Variants in SMCO2 observed in about 807,000 individuals in gnomAD.
The protein encoded by SMCO2 is single-pass membrane protein with coiled-coil domains 2.
SMCO2 carries 25 observed loss-of-function variants against 29.5 expected under a neutral mutation model. The ratio of observed to expected loss-of-function variants is 0.85; its 90% CI spans 0.62 to 1.18. The LOEUF is 1.18. SMCO2 is among the 50% of genes most tolerant of loss of function. The probability of loss-of-function intolerance (pLI) is 0.00; values close to 1 mark genes in which losing one functional copy is unlikely to be tolerated. For synonymous variants in SMCO2, 117 were observed against 123.3 expected, an observed-to-expected ratio of 0.95 and a Z score of 0.34; for missense variants, 348 against 344.5, an observed-to-expected ratio of 1.01 and a Z score of -0.08.
the SMCO2 span, among the ~76,000 whole-genome samples, chr12:27,449,952 C>T: frequency 6.6e-6 from 1 of 152,210 alleles, no homozygotes; most frequent in Non-Finnish European, 1.5e-5. Context: ...CCTGCCTTTG[C>T]TGCCTCCCTT....
chr12:27,483,982 GA>G (rs1398412804), intron 4 of SMCO2, among the ~76,000 whole-genome samples: 8 of 152,076 alleles, frequency 5.3e-5, no homozygotes, highest in African/African-American at 1.4e-4. Context: ...TTTAAAGTAA[GA>G]AAAAAATTGT....
chr12:27,465,568 G>T (rs1190588236), upstream of SMCO2, among the ~76,000 whole-genome samples: 2 of 152,158 alleles, frequency 1.3e-5, no homozygotes, highest in African/African-American at 4.8e-5. Context: ...AATGCTCAGG[G>T]TGATAACGAG....
rs1167252859 is a variant in SMCO2, at chr12:27,500,207, T to C, written c.684-1716T>C. Among the ~76,000 whole-genome samples, 6 of 150,468 alleles carry C rather than the reference T, an allele frequency of 4.0e-5. No individual in the cohort carries two copies. The South Asian group carries it at 8.4e-4, about 21-fold the overall frequency. ...TTAAAATGAATATCATGCTTAGTAA[T>C]AGAAAATTTAAATTTTTAAAACTTG... is the stretch of plus-strand genomic sequence containing the variant. On this transcript the variant is annotated intron_variant, in intron 7 of 7. Transcript: ENST00000298876.
chr12:27,453,608 T>A, the SMCO2 span, among the ~76,000 whole-genome samples: 2 of 152,258 alleles, frequency 1.3e-5, no homozygotes, highest in African/African-American at 4.8e-5. Flanking sequence ...GGAGACAGAA[T>A]GTTGGCCGAT....
the SMCO2 span, among the ~76,000 whole-genome samples, chr12:27,458,649 G>A: frequency 7.8e-3 from 1,187 of 152,278 alleles, 17 homozygotes; most frequent in African/African-American, 0.027. Flanking sequence ...ACTTTGGGAG[G>A]CCAACGTGGG....
At chr12:27,425,685 C>CT in the SMCO2 span, among the ~76,000 whole-genome samples, 1 of 152,186 alleles carries the variant, frequency 6.6e-6, no homozygotes, top group Admixed American at 6.5e-5. Context: ...GAGAGCCTCT[C>CT]TATTTCCTAG....
the SMCO2 span, among the ~76,000 whole-genome samples, chr12:27,455,852 A>G: frequency 1.3e-5 from 2 of 152,276 alleles, no homozygotes; most frequent in African/African-American, 4.8e-5. Context: ...GTTCCATGAC[A>G]TATTAAGAAA....
At chr12:27,500,709 G>A (rs2135584609) in intron 7 of SMCO2, among the ~76,000 whole-genome samples, 1 of 150,740 alleles carries the variant, frequency 6.6e-6, no homozygotes, top group Admixed American at 6.6e-5. Context: ...GGACACATCT[G>A]CTTCCTGTTA....
At chr12:27,496,600 C>T (rs1472719459) in intron 7 of SMCO2, among the ~76,000 whole-genome samples, 1 of 150,592 alleles carries the variant, frequency 6.6e-6, no homozygotes, top group Non-Finnish European at 1.5e-5. Context: ...CCAGGAGATG[C>T]CACACCATCA....
the SMCO2 span, among the ~76,000 whole-genome samples, chr12:27,425,588 T>G: frequency 6.6e-6 from 1 of 152,186 alleles, no homozygotes; most frequent in Admixed American, 6.5e-5. Context: ...ATGAGCTGGT[T>G]TTATCTTCCG....
At chr12:27,499,791 G>A (rs1221362885) in intron 7 of SMCO2, among the ~76,000 whole-genome samples, 1 of 150,626 alleles carries the variant, frequency 6.6e-6, no homozygotes, top group Non-Finnish European at 1.5e-5. Context: ...TTTAACTACA[G>A]CATATTTATA....
chr12:27,426,023 G>A, the SMCO2 span, among the ~76,000 whole-genome samples: 1 of 152,204 alleles, frequency 6.6e-6, no homozygotes, highest in Non-Finnish European at 1.5e-5. Context: ...GATTAGCCAG[G>A]CTGTGATACA....
the SMCO2 span, chr12:27,424,368 A>G: frequency 2.0e-5 from 3 of 152,244 alleles, no homozygotes; most frequent in Non-Finnish European, 4.4e-5. Context: ...AAAATATCAG[A>G]TGTGTTATTA....
At chr12:27,480,859 T>C (rs931219499) in intron 4 of SMCO2, among the ~76,000 whole-genome samples, 2 of 152,180 alleles carry the variant, frequency 1.3e-5, no homozygotes, top group African/African-American at 4.8e-5. Context: ...GGCCAAAATA[T>C]ACCTCTTTTC....
chr12:27,478,268 T>A (rs1036050454), intron 4 of SMCO2, among the ~76,000 whole-genome samples: 7 of 152,186 alleles, frequency 4.6e-5, no homozygotes, highest in Admixed American at 3.9e-4. Flanking sequence ...ACAGTTACCC[T>A]AGGCAGATTG....
chr12:27,479,503 A>T (rs1565677360), intron 4 of SMCO2, among the ~76,000 whole-genome samples: 1 of 152,226 alleles, frequency 6.6e-6, no homozygotes, highest in Non-Finnish European at 1.5e-5. Flanking sequence ...GGATATATCC[A>T]TATCGATAGC....
At chr12:27,448,496 C>G in the SMCO2 span, among the ~76,000 whole-genome samples, 2 of 152,104 alleles carry the variant, frequency 1.3e-5, no homozygotes, top group Non-Finnish European at 2.9e-5. Flanking sequence ...ATAAACAAAC[C>G]TGAGAATTGA....
At chr12:27,471,489 A>G (rs1468897434) in intron 2 of SMCO2, among the ~76,000 whole-genome samples, 2 of 152,158 alleles carry the variant, frequency 1.3e-5, no homozygotes, top group Non-Finnish European at 2.9e-5. Context: ...ACTTGGAACT[A>G]CTTTTATAGA....
At chr12:27,470,951 C>T (rs1949536290) in intron 2 of SMCO2, among the ~76,000 whole-genome samples, 186 bp downstream of exon 2, 1 of 151,862 alleles carries the variant, frequency 6.6e-6, no homozygotes, top group Non-Finnish European at 1.5e-5. Context: ...GCTAAAGGGG[C>T]CCACCATCAT....
Sources: allele counts gnomAD v4.1 joint callset (sites outside exome capture counted in the v4.1 genomes callset), GRCh38; gene constraint gnomAD v4.1.1; transcripts MANE v1.5; gene names NCBI Gene and HGNC (gene_info 2026-07-23, HGNC 2026-07-21).